Variants in ERBB4 observed in about 807,000 individuals in gnomAD.
ERBB4 encodes erb-b2 receptor tyrosine kinase 4, also known as receptor tyrosine-protein kinase erbB-4.
ERBB4 carries 42 observed loss-of-function variants against 158.0 expected under a neutral mutation model. That is an observed-to-expected ratio of 0.27 (90% CI 0.21 to 0.34). ERBB4 has a LOEUF of 0.34. ERBB4 is among the 10% of genes least tolerant of loss of function. ERBB4 has a pLI of 1.00. For synonymous variants in ERBB4, 583 were observed against 558.7 expected, an observed-to-expected ratio of 1.04 and a Z score of -0.61; for missense variants, 1,333 against 1,624.1, an observed-to-expected ratio of 0.82 and a Z score of 3.08.
At chr2:211,481,471 T>A (rs2065080765) in intron 20 of ERBB4, among the ~76,000 whole-genome samples, 1 of 152,078 alleles carries the variant, frequency 6.6e-6, no homozygotes, top group African/African-American at 2.4e-5. Flanking sequence ...GAAACTGAAG[T>A]TCAGGGAGCT....
intron 1 of ERBB4, among the ~76,000 whole-genome samples, chr2:212,184,743 A>G (rs1205354645): frequency 2.6e-5 from 4 of 152,210 alleles, no homozygotes; most frequent in Non-Finnish European, 4.4e-5. Flanking sequence ...TGTAGCATAG[A>G]GTAAAAATTG....
intron 19 of ERBB4, among the ~76,000 whole-genome samples, chr2:211,617,729 T>G (rs928314973): frequency 1.3e-5 from 2 of 152,094 alleles, no homozygotes; most frequent in Non-Finnish European, 2.9e-5. Flanking sequence ...ACAGCTCCTG[T>G]AAAACTTGTA....
At chr2:211,707,338 G>A (rs1007379612) in intron 9 of ERBB4, among the ~76,000 whole-genome samples, 4 of 152,090 alleles carry the variant, frequency 2.6e-5, no homozygotes, top group African/African-American at 9.7e-5. Context: ...ATAGCCACTC[G>A]AAATACATAG....
At chr2:211,695,902 A>C (rs2073001135) in intron 12 of ERBB4, among the ~76,000 whole-genome samples, 1 of 152,094 alleles carries the variant, frequency 6.6e-6, no homozygotes, top group South Asian at 2.1e-4. Flanking sequence ...TAGTAGTAAC[A>C]ATATCTAATA....
intron 3 of ERBB4, among the ~76,000 whole-genome samples, chr2:211,907,959 A>G (rs991593850): frequency 6.6e-6 from 1 of 151,866 alleles, no homozygotes; most frequent in African/African-American, 2.4e-5. Context: ...CTTTGCACAC[A>G]CGGGCTACTG....
intron 2 of ERBB4, among the ~76,000 whole-genome samples, chr2:212,106,222 C>T (rs891203063): frequency 1.3e-5 from 2 of 152,146 alleles, no homozygotes; most frequent in Admixed American, 1.3e-4. Flanking sequence ...TAGAGACTTG[C>T]TGAATGGGTT....
intron 20 of ERBB4, among the ~76,000 whole-genome samples, chr2:211,467,533 T>C (rs564225038): frequency 6.6e-6 from 1 of 152,158 alleles, no homozygotes; most frequent in Non-Finnish European, 1.5e-5. Flanking sequence ...GCAGTGGACC[T>C]TCTCCTTGGA....
intron 20 of ERBB4, among the ~76,000 whole-genome samples, chr2:211,463,384 A>G (rs947095317): frequency 6.6e-6 from 1 of 152,140 alleles, no homozygotes; most frequent in Non-Finnish European, 1.5e-5. Flanking sequence ...GATTTTACTA[A>G]TACTACTTCT....
chr2:211,964,026 T>C (rs530257003), intron 2 of ERBB4, among the ~76,000 whole-genome samples: 1 of 152,264 alleles, frequency 6.6e-6, no homozygotes, highest in Admixed American at 6.5e-5. Context: ...AACTCTTTAG[T>C]TATTGTATTC....
chr2:211,389,883 T>C (rs2062765697), intron 25 of ERBB4, among the ~76,000 whole-genome samples: 1 of 152,198 alleles, frequency 6.6e-6, no homozygotes, highest in African/African-American at 2.4e-5. Context: ...CATTTAAATA[T>C]TCATATCTAC....
At chr2:212,067,276 T>C (rs2077973831) in intron 2 of ERBB4, among the ~76,000 whole-genome samples, 1 of 152,018 alleles carries the variant, frequency 6.6e-6, no homozygotes, top group Non-Finnish European at 1.5e-5. Flanking sequence ...CGTGTATTTG[T>C]GCTGCACTTA....
chr2:211,528,729 G>A (rs140421347), intron 20 of ERBB4, among the ~76,000 whole-genome samples: 2 of 151,942 alleles, frequency 1.3e-5, no homozygotes, highest in Non-Finnish European at 2.9e-5. Context: ...CAAACACATG[G>A]AAATTAACCA....
chr2:212,302,544 A>G (rs1236726329), intron 1 of ERBB4, among the ~76,000 whole-genome samples: 1 of 151,428 alleles, frequency 6.6e-6, no homozygotes, highest in African/African-American at 2.4e-5. Flanking sequence ...ATATAATTGC[A>G]GTACGATAAA....
chr2:212,108,778 C>A (rs1022723617), intron 2 of ERBB4, among the ~76,000 whole-genome samples: 2 of 140,924 alleles, frequency 1.4e-5, no homozygotes, highest in African/African-American at 5.5e-5. Context: ...GAGGAAGTAG[C>A]GTCACATTTT....
intron 19 of ERBB4, among the ~76,000 whole-genome samples, chr2:211,595,584 CATAGTT>C (rs2068605536): frequency 6.6e-6 from 1 of 152,058 alleles, no homozygotes; most frequent in African/African-American, 2.4e-5. Flanking sequence ...ATGAAAACAT[CATAGTT>C]ATAAGAACCA....
intron 4 of ERBB4, among the ~76,000 whole-genome samples, chr2:211,755,164 A>T (rs1407324697): frequency 6.6e-6 from 1 of 152,224 alleles, no homozygotes; most frequent in Non-Finnish European, 1.5e-5. Context: ...CAACATTTTA[A>T]ACAACCATTT....
intron 20 of ERBB4, among the ~76,000 whole-genome samples, chr2:211,498,497 C>G (rs1349722704): frequency 3.3e-5 from 5 of 152,076 alleles, no homozygotes; most frequent in Non-Finnish European, 5.9e-5. Flanking sequence ...AATATCATCA[C>G]TGCCAATATA....
chr2:211,704,262 G>A, intron 10 of ERBB4, 68 bp from the exon 11 acceptor site: 1 of 979,968 alleles, frequency 1.0e-6, no homozygotes, highest in Non-Finnish European at 1.7e-6. Flanking sequence ...GATTTTTCTT[G>A]AAATATGGTG....
chr2:211,504,448 GA>G (rs558212217), intron 20 of ERBB4, among the ~76,000 whole-genome samples: 103 of 141,116 alleles, frequency 7.3e-4, no homozygotes, highest in African/African-American at 1.3e-3. Flanking sequence ...AAGTGGGGAA[GA>G]AAAAAAAAAA....
Sources: allele counts gnomAD v4.1 joint callset (sites outside exome capture counted in the v4.1 genomes callset), GRCh38; gene constraint gnomAD v4.1.1; transcripts MANE v1.5; gene names NCBI Gene and HGNC (gene_info 2026-07-23, HGNC 2026-07-21).